Variants in SPTBN1 observed in about 807,000 individuals in gnomAD.
SPTBN1 encodes the protein spectrin beta chain, non-erythrocytic 1.
A neutral mutation model predicts 266.4 loss-of-function variants in SPTBN1; 32 were observed. The ratio of observed to expected loss-of-function variants is 0.12; its 90% CI spans 0.09 to 0.16. The LOEUF (loss-of-function observed/expected upper bound fraction) is 0.16. Among genes scored for constraint, SPTBN1 ranks in the 10% least tolerant of loss-of-function variants. The probability of loss-of-function intolerance (pLI) is 1.00; values close to 1 mark genes in which losing one functional copy is unlikely to be tolerated. For synonymous variants in SPTBN1, 1,336 were observed against 1,162.2 expected, an observed-to-expected ratio of 1.15 and a Z score of -3.04; for missense variants, 2,296 against 3,067.1, an observed-to-expected ratio of 0.75 and a Z score of 5.94.
At chr2:54,521,046 A>T (rs976540080) in intron 1 of SPTBN1, among the ~76,000 whole-genome samples, 1 of 152,162 alleles carries the variant, frequency 6.6e-6, no homozygotes, top group South Asian at 2.1e-4. Context: ...TTCACAGCCC[A>T]CGGGAGGCAT....
chr2:54,582,537 C>T (rs1675004743), intron 2 of SPTBN1, among the ~76,000 whole-genome samples: 1 of 147,200 alleles, frequency 6.8e-6, no homozygotes, highest in Non-Finnish European at 1.5e-5. Context: ...GCACTCCAGC[C>T]TGGGTGACAG....
chr2:54,642,343 C>G (rs1474719916), intron 18 of SPTBN1, among the ~76,000 whole-genome samples: 1 of 152,002 alleles, frequency 6.6e-6, no homozygotes, highest in Non-Finnish European at 1.5e-5. Context: ...GTGAAGTGTT[C>G]TTGGTGTGAA....
At position 54,653,929 on chromosome 2, in the gene SPTBN1, G is replaced by T; in HGVS notation, c.5822+76G>T. 6.4e-7 allele frequency: 1 copy of T among 1,567,294 alleles called. No homozygotes were observed. Among genetic ancestry groups the T allele is most frequent in the Non-Finnish European group, 8.6e-7 (1 of 1,164,310 alleles). On this transcript the variant is annotated intron_variant, in intron 27 of 35. Transcript: ENST00000356805. This position sits in a 1 kb window ranked among gnomAD's most constrained non-coding sequence, Gnocchi z 5.1. ...CACAGGAGTCTTCCAGAGAGAAGCAGGAGCCTTGAAAGCGTTCCTGCCTGA... is the reference window on the plus strand; with the variant it reads ...CACAGGAGTCTTCCAGAGAGAAGCATGAGCCTTGAAAGCGTTCCTGCCTGA...
intron 27 of SPTBN1, among the ~76,000 whole-genome samples, chr2:54,654,627 A>C (rs1187189039): frequency 6.6e-6 from 1 of 152,142 alleles, no homozygotes; most frequent in African/African-American, 2.4e-5. Context: ...CTGAATAAGG[A>C]GACCGTATTA....
chr2:54,630,095 T>C (rs1678632863), intron 15 of SPTBN1, 66 bp downstream of exon 15: 1 of 1,560,872 alleles, frequency 6.4e-7, no homozygotes, highest in African/African-American at 1.4e-5. Flanking sequence ...AGGTCACTCA[T>C]CGAGCTTTGC....
chr2:54,646,045 G>A lies in SPTBN1; in HGVS notation c.4584+28G>A, dbSNP rs1279391880. On this transcript the variant is annotated intron_variant, in intron 22 of 35. Transcript: ENST00000356805. The surrounding 1 kb of genome is among the most constrained non-coding windows in gnomAD (Gnocchi z 4.4). ...AAGCCTTTCTGCTCGAGCTAGTTCTGTCTGATAAATAATTGCTCTAAATTA... is the reference window on the plus strand; with the variant it reads ...AAGCCTTTCTGCTCGAGCTAGTTCTATCTGATAAATAATTGCTCTAAATTA... 6.2e-7 allele frequency: 1 copy of A among 1,613,868 alleles called. No homozygotes were observed. Among genetic ancestry groups the A allele is most frequent in the Non-Finnish European group, 8.5e-7 (1 of 1,179,874 alleles).
intron 1 of SPTBN1, among the ~76,000 whole-genome samples, chr2:54,505,597 C>T (rs1669511806): frequency 6.6e-6 from 1 of 152,104 alleles, no homozygotes; most frequent in African/African-American, 2.4e-5. Flanking sequence ...AGGTGTGTCT[C>T]CTGGACTTTT....
At chr2:54,635,715 C>T (rs1044150239) in intron 17 of SPTBN1, among the ~76,000 whole-genome samples, 2 of 152,192 alleles carry the variant, frequency 1.3e-5, no homozygotes, top group East Asian at 3.8e-4. Context: ...AATGAGATGC[C>T]ATGCCAAAGG....
chr2:54,622,164 C>G (rs1025002591), intron 8 of SPTBN1, 136 bp from the exon 9 acceptor site: 1 of 815,402 alleles, frequency 1.2e-6, no homozygotes. Flanking sequence ...TGCCCAGGTA[C>G]AGCTGAACTG....
intron 1 of SPTBN1, among the ~76,000 whole-genome samples, chr2:54,470,997 A>G (rs2103860121): frequency 6.6e-6 from 1 of 152,284 alleles, no homozygotes. Flanking sequence ...GTTTTACTTT[A>G]TGTATAGCCC....
chr2:54,487,179 T>C (rs1333003601), intron 1 of SPTBN1, among the ~76,000 whole-genome samples: 1 of 139,252 alleles, frequency 7.2e-6, no homozygotes, highest in Non-Finnish European at 1.6e-5. Context: ...TCTTTTTTTT[T>C]TTTTTTTTTT....
chr2:54,464,300 T>C (rs1252109419), intron 1 of SPTBN1, among the ~76,000 whole-genome samples: 1 of 152,206 alleles, frequency 6.6e-6, no homozygotes, highest in African/African-American at 2.4e-5. Context: ...CATAATCAAA[T>C]AAATTATGGC....
intron 1 of SPTBN1, among the ~76,000 whole-genome samples, chr2:54,512,734 A>G (rs1669922736): frequency 1.3e-5 from 2 of 152,238 alleles, no homozygotes; most frequent in South Asian, 4.1e-4. Flanking sequence ...TGTAACAATG[A>G]GAATTTTACT....
chr2:54,485,664 G>A (rs1175666908), intron 1 of SPTBN1, among the ~76,000 whole-genome samples: 1 of 152,002 alleles, frequency 6.6e-6, no homozygotes, highest in African/African-American at 2.4e-5. Flanking sequence ...CGTCTGGGAT[G>A]TGAGGAGCCC....
rs1678034037 is a variant in SPTBN1 at position 54,622,205 on chromosome 2, G to A, written c.877-95G>A. The A allele has an allele frequency of 2.4e-5, 32 of 1,334,158 alleles. No individual in the cohort carries two copies. The South Asian group carries it at 2.9e-4, about 12-fold the overall frequency. 82.6% of individuals were successfully genotyped at this position (1,334,158 alleles called of 1,614,324 possible). On this transcript the variant is annotated intron_variant, in intron 8 of 35. Coordinates refer to ENST00000356805, the MANE Select transcript of SPTBN1 (RefSeq NM_003128.3). ...GAGCTGGCCAAACTGTTTCAAAGCCGGTCGTTTTGTGTGCATGCACTCGTA... is the reference window on the plus strand; with the variant it reads ...GAGCTGGCCAAACTGTTTCAAAGCCAGTCGTTTTGTGTGCATGCACTCGTA...
intron 26 of SPTBN1, among the ~76,000 whole-genome samples, chr2:54,651,654 C>T (rs1006834168): frequency 6.6e-6 from 1 of 152,144 alleles, no homozygotes; most frequent in African/African-American, 2.4e-5. Flanking sequence ...CTTTTGCTGT[C>T]CTCTTGTACC....
intron 2 of SPTBN1, among the ~76,000 whole-genome samples, chr2:54,556,664 C>G (rs1482973536): frequency 2.7e-5 from 4 of 150,782 alleles, no homozygotes; most frequent in Non-Finnish European, 5.9e-5. Context: ...CTCTTGTAGT[C>G]TTGATGTGGT....
chr2:54,498,667 C>G (rs1160447938), intron 1 of SPTBN1, among the ~76,000 whole-genome samples: 4 of 152,160 alleles, frequency 2.6e-5, no homozygotes, highest in African/African-American at 9.7e-5. Flanking sequence ...AAAATTGAAC[C>G]TAGATCCATA....
intron 1 of SPTBN1, among the ~76,000 whole-genome samples, chr2:54,522,678 G>GAGAGAGAGAGA (rs370803474): frequency 3.3e-4 from 26 of 78,476 alleles, no homozygotes; most frequent in South Asian, 1.6e-3. Context: ...GAGAGAGAGA[G>GAGAGAGAGAGA]GAGAGAGAGA....
Sources: allele counts gnomAD v4.1 joint callset (sites outside exome capture counted in the v4.1 genomes callset), GRCh38; gene constraint gnomAD v4.1.1; non-coding constraint Gnocchi (gnomAD v3.1); transcripts MANE v1.5; gene names NCBI Gene and HGNC (gene_info 2026-07-23, HGNC 2026-07-21).